The following FGF14 variants were observed in gnomAD, a reference collection of about 807,000 sequenced individuals.
The protein encoded by FGF14 is fibroblast growth factor 14.
Under a neutral mutation model 25.5 loss-of-function variants are expected in FGF14, and 5 were observed. That is an observed-to-expected ratio of 0.20 (90% CI 0.10 to 0.41). The LOEUF is 0.41. Among genes scored for constraint, FGF14 ranks in the 10% least tolerant of loss-of-function variants. The pLI, the probability that FGF14 is intolerant of heterozygous loss-of-function variation, is 1.00. For synonymous variants in FGF14, 138 were observed against 118.3 expected (o/e 1.17, Z -1.08); for missense variants, 222 against 320.1 (o/e 0.69, Z 2.34).
At chr13:102,368,931 AT>A (rs1218354413) in intron 1 of FGF14, among the ~76,000 whole-genome samples, 1 of 152,176 alleles carries the variant, frequency 6.6e-6, no homozygotes, top group Non-Finnish European at 1.5e-5. Flanking sequence ...AATAATAATA[AT>A]TTTTTAAAGC....
chr13:102,178,255 A>G (rs2048525816), intron 1 of FGF14, among the ~76,000 whole-genome samples: 2 of 152,100 alleles, frequency 1.3e-5, no homozygotes, highest in Admixed American at 1.3e-4. Flanking sequence ...AAAACTTTCC[A>G]AAGTGAATCG....
chr13:102,016,395 GAACA>G (rs2040347507), intron 1 of FGF14, among the ~76,000 whole-genome samples: 1 of 151,978 alleles, frequency 6.6e-6, no homozygotes, highest in African/African-American at 2.4e-5. Flanking sequence ...AGGCCACTTA[GAACA>G]AACAAGGAAT....
intron 1 of FGF14, among the ~76,000 whole-genome samples, chr13:102,207,709 G>A (rs1034581014): frequency 6.6e-6 from 1 of 151,042 alleles, no homozygotes; most frequent in African/African-American, 2.4e-5. Flanking sequence ...TGTTTTGAAG[G>A]TGAAAATAAA....
intron 1 of FGF14, among the ~76,000 whole-genome samples, chr13:102,157,416 C>T (rs1317985081): frequency 1.3e-5 from 2 of 152,108 alleles, no homozygotes; most frequent in East Asian, 1.9e-4. Flanking sequence ...GAGAGAATTC[C>T]CTATTTAATA....
chr13:102,233,060 C>G (rs532404013), intron 1 of FGF14, among the ~76,000 whole-genome samples: 1 of 152,134 alleles, frequency 6.6e-6, no homozygotes, highest in Non-Finnish European at 1.5e-5. Flanking sequence ...CTCCTCTGGT[C>G]CCACCTCACA....
intron 3 of FGF14, among the ~76,000 whole-genome samples, chr13:101,785,508 G>A (rs1433437871): frequency 6.6e-6 from 1 of 152,022 alleles, no homozygotes; most frequent in Non-Finnish European, 1.5e-5. Flanking sequence ...TGTAGGGTTT[G>A]CAGCTGTGTC....
intron 1 of FGF14, among the ~76,000 whole-genome samples, chr13:102,081,593 A>C (rs2043625286): frequency 6.6e-6 from 1 of 152,212 alleles, no homozygotes; most frequent in Non-Finnish European, 1.5e-5. Flanking sequence ...TTTTTAAAAA[A>C]AAAATTGTGG....
chr13:102,033,321 A>C (rs989845909), intron 1 of FGF14, among the ~76,000 whole-genome samples: 1 of 152,182 alleles, frequency 6.6e-6, no homozygotes, highest in African/African-American at 2.4e-5. Context: ...AATAAAATAC[A>C]GTAGTTCTAC....
rs1163555782 is a variant in FGF14, at chr13:102,279,339, AC to A, written c.208+122131del. On this transcript the variant is annotated intron_variant, in intron 1 of 4. Coordinates refer to the FGF14 transcript ENST00000376131. ...CCATCATACATAAGCTTATCTGTTAACTATTTCTTATTGTTGAAGGTTCAGG... is the reference window on the plus strand; with the variant it reads ...CCATCATACATAAGCTTATCTGTTAATATTTCTTATTGTTGAAGGTTCAGG... Among the ~76,000 whole-genome samples the A allele has an allele frequency of 5.9e-5, 9 of 152,298 alleles. No homozygotes were observed. In the East Asian group the frequency reaches 1.7e-3, roughly 29 times the overall value.
At chr13:101,729,955 G>A (rs1426655874) in intron 3 of FGF14, among the ~76,000 whole-genome samples, 1 of 152,182 alleles carries the variant, frequency 6.6e-6, no homozygotes, top group Non-Finnish European at 1.5e-5. Flanking sequence ...AAAGGCAAGA[G>A]GTGGGAAATG....
intron 1 of FGF14, among the ~76,000 whole-genome samples, chr13:102,026,660 G>A (rs1364869756): frequency 6.6e-6 from 1 of 151,920 alleles, no homozygotes; most frequent in Non-Finnish European, 1.5e-5. Flanking sequence ...AGTTAAATTA[G>A]TCAAGAATAG....
chr13:102,271,478 A>T (rs1367624228), intron 1 of FGF14, among the ~76,000 whole-genome samples: 1 of 151,848 alleles, frequency 6.6e-6, no homozygotes, highest in Non-Finnish European at 1.5e-5. Flanking sequence ...TCAACATACC[A>T]AACTCCAACC....
intron 1 of FGF14, among the ~76,000 whole-genome samples, chr13:102,084,822 G>T (rs2043813136): frequency 6.6e-6 from 1 of 152,216 alleles, no homozygotes; most frequent in African/African-American, 2.4e-5. Context: ...AAACGTGGTA[G>T]ATGGAGTGCT....
intron 1 of FGF14, among the ~76,000 whole-genome samples, chr13:101,904,933 G>C (rs1047684786): frequency 8.5e-5 from 13 of 152,276 alleles, no homozygotes; most frequent in Admixed American, 4.6e-4. Context: ...AAGGCATTGG[G>C]ATGCAGAAAA....
At chr13:102,159,953 C>T (rs1196856363) in intron 1 of FGF14, among the ~76,000 whole-genome samples, 1 of 152,108 alleles carries the variant, frequency 6.6e-6, no homozygotes, top group African/African-American at 2.4e-5. Flanking sequence ...TATGCTATGT[C>T]AAATCCTTTT....
At chr13:101,931,819 TA>T (rs1347992304) in intron 1 of FGF14, among the ~76,000 whole-genome samples, 2 of 152,218 alleles carry the variant, frequency 1.3e-5, no homozygotes, top group African/African-American at 4.8e-5. Flanking sequence ...TGACCCATTT[TA>T]AACTTCCTAC....
intron 1 of FGF14, among the ~76,000 whole-genome samples, chr13:101,891,096 T>C (rs1341417542): frequency 2.0e-5 from 3 of 152,152 alleles, no homozygotes; most frequent in African/African-American, 7.2e-5. Flanking sequence ...ACTGTACCTT[T>C]TACAGGAAAT....
intron 3 of FGF14, among the ~76,000 whole-genome samples, chr13:101,829,275 A>G (rs1454588469): frequency 6.6e-6 from 1 of 152,150 alleles, no homozygotes. Context: ...GTCAAAGAGC[A>G]GGGTAATATT....
At chr13:102,096,966 A>G (rs1363325138) in intron 1 of FGF14, among the ~76,000 whole-genome samples, 2 of 151,978 alleles carry the variant, frequency 1.3e-5, no homozygotes, top group Admixed American at 6.6e-5. Flanking sequence ...CATAGTCTGT[A>G]CTCATATAAA....
Sources: allele counts gnomAD v4.1 joint callset (sites outside exome capture counted in the v4.1 genomes callset), GRCh38; gene constraint gnomAD v4.1.1; transcripts MANE v1.5; gene names NCBI Gene and HGNC (gene_info 2026-07-23, HGNC 2026-07-21).